Variants in PPEF1 observed in about 807,000 individuals in gnomAD.
PPEF1 encodes the protein protein phosphatase with EF-hand domain 1.
A neutral mutation model predicts 53.3 loss-of-function variants in PPEF1; 12 were observed. That is an observed-to-expected ratio of 0.23 (90% CI 0.14 to 0.36). The LOEUF is 0.36. Ranked by LOEUF, PPEF1 falls within the 10% of genes least tolerant of loss-of-function variation. PPEF1 has a pLI of 1.00. For missense variants in PPEF1, 334 were observed against 490.4 expected (o/e 0.68, Z 3.01); for synonymous variants, 165 against 176.7 (o/e 0.93, Z 0.52).
chrX:18,758,026 C>T (rs750317042), intron 5 of PPEF1, among the ~76,000 whole-genome samples: 2 of 110,884 alleles, frequency 1.8e-5, no homozygotes, highest in Admixed American at 9.6e-5. Flanking sequence ...CTTTGCCCTC[C>T]GTCTAGCTCT....
At chrX:18,818,785 A>C (rs2046972151) in intron 13 of PPEF1, among the ~76,000 whole-genome samples, 1 of 112,104 alleles carries the variant, frequency 8.9e-6, no homozygotes, top group Admixed American at 9.6e-5. Flanking sequence ...AGTAACGTGA[A>C]TCTTCCAGCT....
upstream of PPEF1, among the ~76,000 whole-genome samples, chrX:18,702,687 A>T (rs750458967): frequency 9.1e-6 from 1 of 110,053 alleles, no homozygotes; most frequent in East Asian, 2.8e-4. Context: ...ATGGAAAATT[A>T]TCAGTTCCAC....
At position 18,777,681 on chromosome X, in the gene PPEF1, G is replaced by A. The variant is rs149720965; in HGVS notation, c.559-1329G>A. On this transcript the variant is annotated intron_variant, in intron 6 of 15. Transcript: ENST00000470157. ...ACTGCAGGCGCCTGCCATCACGCCC[G>A]GAGAATTTTTTTTTTTGTATATTTA... Among the ~76,000 whole-genome samples the A allele has an allele frequency of 6.4e-3, 697 of 109,205 alleles. 9 individuals carry two copies. Among genetic ancestry groups the A allele is most frequent in the Middle Eastern group, 0.014 (3 of 213 alleles). 94.8% of individuals were successfully genotyped at this position (109,205 alleles called of 115,157 possible). A position where few individuals can be genotyped will look rare whatever the true frequency, so the allele number is the denominator to read the frequency against.
intron 5 of PPEF1, among the ~76,000 whole-genome samples, chrX:18,698,579 GT>G (rs1425236567): frequency 8.9e-6 from 1 of 111,941 alleles, no homozygotes; most frequent in East Asian, 2.8e-4. Flanking sequence ...GAGGCTAGGA[GT>G]TTGACACTAG....
intron 10 of PPEF1, among the ~76,000 whole-genome samples, chrX:18,789,997 T>G (rs1449879458): frequency 1.8e-5 from 2 of 112,195 alleles, no homozygotes; most frequent in Non-Finnish European, 3.8e-5. Flanking sequence ...TCTAAAAAAG[T>G]TTAACATTTT....
intron 3 of PPEF1, among the ~76,000 whole-genome samples, chrX:18,746,838 A>G (rs1008133870): frequency 1.6e-4 from 18 of 112,318 alleles, no homozygotes; most frequent in African/African-American, 5.8e-4. Context: ...TCTGGGATCA[A>G]GTTCCATCTC....
At chrX:18,804,215 C>A (rs1569269253) in intron 11 of PPEF1, 138 bp downstream of exon 11, 4 of 531,042 alleles carry the variant, frequency 7.5e-6, no homozygotes, top group Non-Finnish European at 1.1e-5. Context: ...AGAAGGCGAG[C>A]TTCATCTAGG....
At chrX:18,741,666 A>G (rs2045165507) in intron 3 of PPEF1, among the ~76,000 whole-genome samples, 1 of 109,611 alleles carries the variant, frequency 9.1e-6, no homozygotes, top group African/African-American at 3.3e-5. Context: ...ACCCCCACAC[A>G]ATCACATAAC....
chrX:18,823,688 GA>G lies in PPEF1; in HGVS notation c.1502-225del, dbSNP rs200313223. Among the ~76,000 whole-genome samples the G allele has an allele frequency of 1.7e-3, 187 of 107,160 alleles. 1 individual carries two copies. The highest frequency in any genetic ancestry group is 0.011 in the Admixed American group (104 of 9,902). The allele number at this position is 107,160 out of a possible 115,157, so 93.1% of individuals were successfully genotyped here. A position where few individuals can be genotyped will look rare whatever the true frequency, so the allele number is the denominator to read the frequency against. On this transcript the variant is annotated intron_variant, in intron 13 of 15. Coordinates refer to ENST00000470157, the MANE Select transcript of PPEF1 (RefSeq NM_001377996.1). ...CCTTACTTTGTTAATCAAAAAAAAG[GA>G]AAAAAAAAATCTAACACGTGAAGTC...
At chrX:18,755,188 G>GT (rs2045521148) in intron 4 of PPEF1, among the ~76,000 whole-genome samples, 2 of 108,281 alleles carry the variant, frequency 1.8e-5, no homozygotes, top group South Asian at 7.7e-4. Flanking sequence ...AGTGTACAGA[G>GT]TAAAAAAAAA....
chrX:18,685,246 C>T (rs1929024201), intron 2 of PPEF1, among the ~76,000 whole-genome samples: 1 of 112,298 alleles, frequency 8.9e-6, no homozygotes, highest in Admixed American at 9.4e-5. Flanking sequence ...CTAATGATTT[C>T]AAGAATTGGG....
intron 3 of PPEF1, among the ~76,000 whole-genome samples, chrX:18,740,067 G>A (rs932750834): frequency 1.3e-4 from 15 of 112,299 alleles, no homozygotes; most frequent in African/African-American, 1.9e-4. Flanking sequence ...GGAATTCCCC[G>A]ACCCCTTGCC....
chrX:18,820,632 G>T (rs1420039768), intron 13 of PPEF1, among the ~76,000 whole-genome samples: 1 of 110,507 alleles, frequency 9.0e-6, no homozygotes, highest in African/African-American at 3.3e-5. Context: ...TGATCCACCC[G>T]CCTTGGCCTC....
chrX:18,813,979 G>A (rs1417439174), intron 12 of PPEF1, among the ~76,000 whole-genome samples: 1 of 110,965 alleles, frequency 9.0e-6, no homozygotes, highest in African/African-American at 3.3e-5. Flanking sequence ...TAGTTGTTCA[G>A]CCCTTGCCCT....
intron 15 of PPEF1, 93 bp downstream of exon 15, chrX:18,825,928 T>A (rs1206707054): frequency 1.7e-6 from 1 of 590,567 alleles, no homozygotes. Flanking sequence ...TTGAGCCCTA[T>A]AATTAATATG....
intron 1 of PPEF1, among the ~76,000 whole-genome samples, chrX:18,710,705 A>G (rs757864418): frequency 6.7e-4 from 75 of 111,765 alleles, no homozygotes; most frequent in African/African-American, 2.4e-3. Flanking sequence ...ATGTAGGGAA[A>G]AGGGAATGTT....
intron 12 of PPEF1, 41 bp downstream of exon 12, chrX:18,806,586 G>A (rs755685068): frequency 4.4e-6 from 5 of 1,137,252 alleles, no homozygotes; most frequent in Non-Finnish European, 4.7e-6. Flanking sequence ...CTGGTATCAC[G>A]GACCCATTAG....
chrX:18,795,570 AACAAGAATGTATTG>A (rs2046416377), intron 10 of PPEF1, among the ~76,000 whole-genome samples: 1 of 111,524 alleles, frequency 9.0e-6, no homozygotes, highest in African/African-American at 3.3e-5. Context: ...TCATCCATTC[AACAAGAATGTATTG>A]ATCACTCCTG....
Position 18,804,016 on chromosome X carries a change from A to C in PPEF1, c.1190A>C (p.Lys397Thr). The part of the protein sequence containing the change: ...TSKILNKYQL[K>T]MLIRSHECKP... ...AAGATTCTTAATAAATACCAGTTGA[A>C]GATGCTCATCAGGTCTCATGAATGT... Residue 397 changes from lysine (K) to threonine (T), a missense_variant, in exon 11 of 16, where the codon AAG (lysine) becomes ACG (threonine). Transcript: ENST00000470157. The C allele has an allele frequency of 8.3e-7, 1 of 1,205,686 alleles. No homozygotes were observed. The highest frequency in any genetic ancestry group is 1.1e-6 in the Non-Finnish European group (1 of 890,386).
Sources: allele counts gnomAD v4.1 joint callset (sites outside exome capture counted in the v4.1 genomes callset), GRCh38; gene constraint gnomAD v4.1.1; transcripts MANE v1.5; gene names NCBI Gene and HGNC (gene_info 2026-07-23, HGNC 2026-07-21).